Variants in CRACR2B observed in about 807,000 individuals in gnomAD.
CRACR2B encodes EF-hand calcium-binding domain-containing protein 4A.
CRACR2B carries 50 observed loss-of-function variants against 46.0 expected under a neutral mutation model. The ratio of observed to expected loss-of-function variants is 1.09; its 90% CI spans 0.87 to 1.38. The LOEUF is 1.38. CRACR2B is among the 40% of genes most tolerant of loss of function. The probability of loss-of-function intolerance (pLI) is 0.00; values close to 1 mark genes in which losing one functional copy is unlikely to be tolerated. For synonymous variants in CRACR2B, 277 were observed against 239.6 expected, an observed-to-expected ratio of 1.16 and a Z score of -1.44; for missense variants, 667 against 535.0, an observed-to-expected ratio of 1.25 and a Z score of -2.43.
rs1846084562 is a variant in CRACR2B at position 828,570 on chromosome 11, C to T, written c.-38C>T. ...ATTTCTTCTGACCCTCCCTTGGCTT[C>T]ACAGCACCTGAAGGCCAGGCTGAGG... On this transcript the variant is annotated 5_prime_UTR_variant, in exon 1 of 9. Transcript: ENST00000525077. 3 of 1,557,502 alleles carry T rather than the reference C, an allele frequency of 1.9e-6. No individual in the cohort carries two copies. The highest frequency in any genetic ancestry group is 2.6e-6 in the Non-Finnish European group (3 of 1,160,436).
At position 830,294 on chromosome 11, in the gene CRACR2B, A is replaced by G. The variant is rs745321905; in HGVS notation, c.650A>G (p.Glu217Gly). The G allele has an allele frequency of 6.5e-5, 99 of 1,532,788 alleles. No homozygotes were observed. Among genetic ancestry groups the G allele is most frequent in the Non-Finnish European group, 3.5e-5 (40 of 1,141,666 alleles). 94.9% of individuals were successfully genotyped at this position (1,532,788 alleles called of 1,614,324 possible). ...AGGGAGGTGCGCGCTCTGTACGAGG[A>G]GACGGAGCAGCTTCGGGAGCAGAGC... ...HEREVRALYEETEQLREQSRR... is the reference protein window; with the variant it reads ...HEREVRALYEGTEQLREQSRR... Residue 217 changes from glutamate (E) to glycine (G), a missense_variant, in exon 5 of 9, where the codon GAG becomes GGG. Coordinates refer to ENST00000525077, the MANE Select transcript of CRACR2B (RefSeq NM_001286606.2).
At position 829,359 on chromosome 11, in the gene CRACR2B, G is replaced by A. The variant is rs868775289; in HGVS notation, c.278-1G>A. 5 of 1,604,398 alleles carry A rather than the reference G, an allele frequency of 3.1e-6. No homozygotes were observed. The African/African-American group carries it at 6.7e-5, about 22-fold the overall frequency. On this transcript the variant is annotated splice_acceptor_variant, in intron 2 of 8. Coordinates refer to ENST00000525077, the MANE Select transcript of CRACR2B (RefSeq NM_001286606.2). LOFTEE classifies it high-confidence loss of function. The stretch of plus-strand genomic sequence containing the variant: ...GGTAATCGCTCGCTCCATGCCCGCA[G>A]GGATGTTTGTGGGGGTGGCGTCAGC...
chr11:828,617 C>T lies in CRACR2B; in HGVS notation c.10C>T (p.Pro4Ser), dbSNP rs1158299594. 8.2e-6 allele frequency: 13 copies of T among 1,594,652 alleles called. No homozygotes were observed. Among genetic ancestry groups the T allele is most frequent in the African/African-American group, 1.4e-5 (1 of 73,564 alleles). MAS[P>S]GKPGADEAQE... The stretch of plus-strand genomic sequence containing the variant: ...GAGGCCCCCTGCTCTCATGGCCAGC[C>T]CTGGAAAGCCTGGGGCTGATGAGGC... Residue 4 changes from proline (P) to serine (S), a missense_variant, in exon 1 of 9, where the codon CCT (proline) becomes TCT (serine). By Grantham distance (74) the Pro-to-Ser change is moderately conservative (BLOSUM62 -1). Transcript: ENST00000525077.
intron 5 of CRACR2B, 128 bp from the exon 6 acceptor site, chr11:830,493 A>AC (rs1565106429): frequency 3.3e-6 from 5 of 1,537,026 alleles, no homozygotes; most frequent in Non-Finnish European, 3.5e-6. Context: ...CTCACGTATC[A>AC]CCCCCGTCCG....
chr11:828,779 C>G lies in CRACR2B; in HGVS notation c.165+7C>G, dbSNP rs756145742. The stretch of plus-strand genomic sequence containing the variant: ...CACCAAGCACGACCTGCAGGTGAGT[C>G]CCCCACCCCAAGAGACTGCTTCGGC... On this transcript the variant is annotated splice_region_variant and intron_variant, in intron 1 of 8. Coordinates refer to ENST00000525077, the MANE Select transcript of CRACR2B (RefSeq NM_001286606.2). 6.2e-7 allele frequency: 1 copy of G among 1,613,044 alleles called. No individual in the cohort carries two copies. The highest frequency in any genetic ancestry group is 8.5e-7 in the Non-Finnish European group (1 of 1,179,774).
chr11:827,456 A>T, upstream of CRACR2B: 2 of 743,128 alleles, frequency 2.7e-6, no homozygotes, highest in Non-Finnish European at 3.3e-6. Flanking sequence ...GCAAGGCGGC[A>T]GGGGTAAGGG....
intron 3 of CRACR2B, 109 bp downstream of exon 3, chr11:829,649 G>A (rs1846225048): frequency 8.0e-7 from 1 of 1,248,346 alleles, no homozygotes; most frequent in South Asian, 1.6e-5. Flanking sequence ...CTCTAGGCCG[G>A]GTCAGGCCCA....
In CRACR2B at chr11:830,640, G is replaced by C; in HGVS notation, c.713G>C (p.Arg238Pro). ...TCCCAGAACTTCGCCCGCGGGGAGC[G>C]GAGAAGCCGTCTGGAGCTGGAGCTG... The part of the protein sequence containing the change: ...PPSQNFARGE[R>P]RSRLELELQS... The change falls in exon 6 of 9, where the codon CGG (arginine) becomes CCG (proline). Residue 238 changes from arginine to proline, a missense_variant. Arg to Pro is a moderately radical substitution (Grantham distance 103). Transcript: ENST00000525077. 1 of 1,549,030 alleles carries C rather than the reference G, an allele frequency of 6.5e-7. No homozygotes were observed. The highest frequency in any genetic ancestry group is 8.7e-7 in the Non-Finnish European group (1 of 1,146,674).
Position 828,252 on chromosome 11 carries a change from A to T in CRACR2B, c.-356A>T. 1 of 257,652 alleles carries T rather than the reference A, an allele frequency of 3.9e-6. No homozygotes were observed. Among genetic ancestry groups the T allele is most frequent in the Non-Finnish European group, 7.4e-6 (1 of 134,706 alleles). 16.0% of individuals were successfully genotyped at this position (257,652 alleles called of 1,614,324 possible). ...CAGCTTTCAGGACCCCACCTTCCTT[A>T]TCACCAGGTCTTCTCCACTGGCCCC... On this transcript the variant is annotated 5_prime_UTR_variant, in exon 1 of 9. Coordinates refer to ENST00000525077, the MANE Select transcript of CRACR2B (RefSeq NM_001286606.2).
Position 829,545 on chromosome 11 carries a change from G to T in CRACR2B, c.458+5G>T. ...GGTGGCCCCGGTCCTGGGCAAGTGA[G>T]TCGGCGCTGGCCCCGCTCCCACTGC... On this transcript the variant is annotated splice_donor_5th_base_variant and intron_variant, in intron 3 of 8. Coordinates refer to ENST00000525077, the MANE Select transcript of CRACR2B (RefSeq NM_001286606.2). The T allele has an allele frequency of 6.4e-7, 1 of 1,565,086 alleles. No homozygotes were observed. Among genetic ancestry groups the T allele is most frequent in the Non-Finnish European group, 8.6e-7 (1 of 1,159,212 alleles).
Position 828,507 on chromosome 11 carries a change from C to T in CRACR2B, c.-101C>T. The T allele has an allele frequency of 1.4e-6, 2 of 1,387,388 alleles. No homozygotes were observed. The highest frequency in any genetic ancestry group is 1.9e-6 in the Non-Finnish European group (2 of 1,056,680). 85.9% of individuals were successfully genotyped at this position (1,387,388 alleles called of 1,614,324 possible). A position where few individuals can be genotyped will look rare whatever the true frequency, so the allele number is the denominator to read the frequency against. On this transcript the variant is annotated 5_prime_UTR_variant, in exon 1 of 9. Transcript: ENST00000525077. ...CTGCAGGGAGGGCCCTCGGCTGAGC[C>T]TTCAGACACACTTGCACCCCATCCG...
intron 2 of CRACR2B, 48 bp downstream of exon 2, chr11:829,011 G>C (rs1862774627): frequency 1.3e-6 from 2 of 1,591,236 alleles, no homozygotes; most frequent in Non-Finnish European, 1.7e-6. Flanking sequence ...CTGGAGGCCT[G>C]ATCAGGAGGC....
At chr11:831,146 G>T in intron 7 of CRACR2B, 78 bp from the exon 8 acceptor site, 3 of 1,602,702 alleles carry the variant, frequency 1.9e-6, no homozygotes, top group Non-Finnish European at 2.6e-6. Context: ...CCGCCCCGTG[G>T]GAAGGAGGAT....
rs754351281 is a variant in CRACR2B at position 828,878 on chromosome 11, G to C, written c.192G>C (p.Thr64=). The C allele has an allele frequency of 1.2e-5, 19 of 1,610,226 alleles. No individual in the cohort carries two copies. Among genetic ancestry groups the C allele is most frequent in the Non-Finnish European group, 1.5e-5 (18 of 1,179,834 alleles). ...GTCTCCAGAGCGACCTGCCCCTCAC[G>C]CCAGAGCAGCTGGAGGCTGTGTTTG... The part of the protein sequence containing the change: ...LQGLQSDLPL[T]PEQLEAVFES... Residue 64 remains threonine, a synonymous_variant, in exon 2 of 9, where the codon ACG becomes ACC. Transcript: ENST00000525077.
intron 2 of CRACR2B, 163 bp from the exon 3 acceptor site, chr11:829,197 C>G: frequency 1.4e-6 from 2 of 1,397,348 alleles, no homozygotes; most frequent in Non-Finnish European, 1.9e-6. Flanking sequence ...GGGCTGGGAG[C>G]TGGCCTGTCA....
Position 831,830 on chromosome 11 carries a change from T to G in CRACR2B, c.*121T>G, listed in dbSNP as rs1846480560. Reference sequence around the variant, plus strand: ...CCAGTGGGCCCCAGGCTCGCCTGACTGAAGACATGAAGGACCTAGCCTAGG... The same window carrying G: ...CCAGTGGGCCCCAGGCTCGCCTGACGGAAGACATGAAGGACCTAGCCTAGG... On this transcript the variant is annotated 3_prime_UTR_variant, in exon 9 of 9. Coordinates refer to ENST00000525077, the MANE Select transcript of CRACR2B (RefSeq NM_001286606.2). 1 of 1,231,078 alleles carries G rather than the reference T, an allele frequency of 8.1e-7. No individual in the cohort carries two copies. Among genetic ancestry groups the G allele is most frequent in the Non-Finnish European group, 1.1e-6 (1 of 930,544 alleles). 76.3% of individuals were successfully genotyped at this position (1,231,078 alleles called of 1,614,324 possible). A position where few individuals can be genotyped will look rare whatever the true frequency, so the allele number is the denominator to read the frequency against.
Position 828,074 on chromosome 11 carries a change from C to T in CRACR2B, c.-534C>T, listed in dbSNP as rs1442723518. 6.6e-6 allele frequency among the ~76,000 whole-genome samples: 1 copy of T among 152,080 alleles called. No homozygotes were observed. Among genetic ancestry groups the T allele is most frequent in the Non-Finnish European group, 1.5e-5 (1 of 68,000 alleles). ...CCGGTGGGCAGGAGGGAGAAGTCTG[C>T]CCTGCCTGCCAGCTGTCATGAGGCT... On this transcript the variant is annotated 5_prime_UTR_variant, in exon 1 of 9. Coordinates refer to ENST00000525077, the MANE Select transcript of CRACR2B (RefSeq NM_001286606.2).
intron 8 of CRACR2B, 21 bp downstream of exon 8, chr11:831,316 G>T (rs34889510): frequency 2.5e-6 from 4 of 1,594,286 alleles, no homozygotes; most frequent in Non-Finnish European, 3.4e-6. Context: ...GCTCAGGCCC[G>T]AGAGGGAATG....
chr11:829,930 G>A, intron 3 of CRACR2B, 56 bp from the exon 4 acceptor site: 1 of 1,526,648 alleles, frequency 6.6e-7, no homozygotes, highest in South Asian at 1.2e-5. Flanking sequence ...GCTGGCGGAG[G>A]GAAGCCTGCT....
Sources: gnomAD v4.1 joint callset for allele counts (sites outside exome capture counted in the v4.1 genomes callset) on GRCh38, gnomAD v4.1.1 for gene constraint, MANE v1.5 for transcripts, NCBI Gene and HGNC (gene_info 2026-07-23, HGNC 2026-07-21) for gene names.